The following ARL15 variants were observed in gnomAD, a reference collection of about 807,000 sequenced individuals.
ARL15 encodes ADP-ribosylation factor-like protein 15.
In ARL15, 19 loss-of-function variants were observed where a neutral mutation model predicts 25.2. That is an observed-to-expected ratio of 0.75 (90% CI 0.53 to 1.10). ARL15 has a LOEUF of 1.10. ARL15 is among the 50% of genes least tolerant of loss of function. ARL15 has a pLI of 0.00. For synonymous variants in ARL15, 94 were observed against 86.8 expected (o/e 1.08, Z -0.46); for missense variants, 220 against 246.0 (o/e 0.89, Z 0.71).
intron 4 of ARL15, chr5:53,912,268 G>A (rs1345776545): frequency 6.6e-6 from 1 of 152,070 alleles, no homozygotes; most frequent in Non-Finnish European, 1.5e-5. Context: ...CAAGCTATGG[G>A]GGCAAGACAC....
At chr5:54,069,955 G>A (rs74554941) in intron 4 of ARL15, among the ~76,000 whole-genome samples, 27,524 of 151,180 alleles carry the variant, frequency 0.18, 3,227 homozygotes, top group African/African-American at 0.33. Context: ...GATTACAGGC[G>A]TGAGCCACCA....
At chr5:54,135,792 A>T (rs1002426882) in intron 3 of ARL15, among the ~76,000 whole-genome samples, 1 of 152,252 alleles carries the variant, frequency 6.6e-6, no homozygotes, top group Non-Finnish European at 1.5e-5. Context: ...TGTCTGATTT[A>T]ACAAATATGG....
intron 1 of ARL15, among the ~76,000 whole-genome samples, chr5:54,259,208 G>C (rs1267444650): frequency 6.6e-6 from 1 of 152,046 alleles, no homozygotes; most frequent in Non-Finnish European, 1.5e-5. Flanking sequence ...ATTTGAATAG[G>C]CAGGACTCAC....
At chr5:53,919,387 AC>A (rs1199244304) in intron 4 of ARL15, among the ~76,000 whole-genome samples, 1 of 152,118 alleles carries the variant, frequency 6.6e-6, no homozygotes, top group Non-Finnish European at 1.5e-5. Context: ...AACACTAGCT[AC>A]CCCTTGTAAA....
chr5:54,216,464 A>T (rs1756209044), intron 1 of ARL15, among the ~76,000 whole-genome samples: 1 of 152,196 alleles, frequency 6.6e-6, no homozygotes, highest in African/African-American at 2.4e-5. Flanking sequence ...AATATCTTAT[A>T]AATTTGTTAT....
intron 4 of ARL15, among the ~76,000 whole-genome samples, chr5:54,070,896 C>CAA (rs1751398271): frequency 6.6e-6 from 1 of 151,894 alleles, no homozygotes; most frequent in African/African-American, 2.4e-5. Flanking sequence ...TGGCCAGGTG[C>CAA]AATGGCTCAT....
intron 3 of ARL15, among the ~76,000 whole-genome samples, chr5:54,119,198 G>A (rs1753000145): frequency 6.6e-6 from 1 of 152,120 alleles, no homozygotes; most frequent in South Asian, 2.1e-4. Flanking sequence ...CAAAAATTAA[G>A]AGGTAGAACC....
chr5:54,146,184 C>CTTTGT, intron 3 of ARL15, among the ~76,000 whole-genome samples: 1 of 151,140 alleles, frequency 6.6e-6, no homozygotes, highest in Non-Finnish European at 1.5e-5. Flanking sequence ...AGCTTTGAGA[C>CTTTGT]TTATCCAAAT....
At chr5:54,041,279 A>C (rs1285303710) in intron 4 of ARL15, among the ~76,000 whole-genome samples, 1 of 152,200 alleles carries the variant, frequency 6.6e-6, no homozygotes, top group Non-Finnish European at 1.5e-5. Context: ...AATCCTAGGA[A>C]ACACAATTTT....
chr5:54,203,276 C>T (rs1755772460), intron 1 of ARL15, among the ~76,000 whole-genome samples: 1 of 152,118 alleles, frequency 6.6e-6, no homozygotes, highest in South Asian at 2.1e-4. Context: ...TAATCAGATA[C>T]AAAGAGTTTT....
chr5:53,968,195 A>T (rs554098458), intron 4 of ARL15, among the ~76,000 whole-genome samples: 8 of 152,314 alleles, frequency 5.3e-5, no homozygotes, highest in Non-Finnish European at 7.4e-5. Context: ...ATGTAAACTG[A>T]TACTCTACAA....
At chr5:54,120,382 AT>A (rs1341455820) in intron 3 of ARL15, among the ~76,000 whole-genome samples, 1 of 152,244 alleles carries the variant, frequency 6.6e-6, no homozygotes, top group Non-Finnish European at 1.5e-5. Flanking sequence ...ACATGCAGCC[AT>A]AATACAGCAC....
intron 1 of ARL15, among the ~76,000 whole-genome samples, chr5:54,302,507 C>CA (rs1266815008): frequency 2.0e-5 from 3 of 152,052 alleles, no homozygotes; most frequent in African/African-American, 7.2e-5. Context: ...ATTTACCAGA[C>CA]ACTAGACTAG....
At chr5:54,243,042 C>T (rs1182840004) in intron 1 of ARL15, among the ~76,000 whole-genome samples, 1 of 152,156 alleles carries the variant, frequency 6.6e-6, no homozygotes, top group Non-Finnish European at 1.5e-5. Flanking sequence ...AACATTGCTA[C>T]AACAATTTTT....
intron 4 of ARL15, among the ~76,000 whole-genome samples, chr5:53,946,649 A>C (rs1746746042): frequency 6.6e-6 from 1 of 152,074 alleles, no homozygotes; most frequent in Non-Finnish European, 1.5e-5. Flanking sequence ...CCTAGGTAAA[A>C]AGGGATTGCA....
intron 4 of ARL15, among the ~76,000 whole-genome samples, chr5:53,923,011 G>A (rs755752267): frequency 2.6e-5 from 4 of 152,156 alleles, no homozygotes; most frequent in Non-Finnish European, 4.4e-5. Context: ...ACCTATACAC[G>A]CTTTCATTTA....
At chr5:54,292,266 G>A (rs1183939473) in intron 1 of ARL15, among the ~76,000 whole-genome samples, 3 of 151,980 alleles carry the variant, frequency 2.0e-5, no homozygotes, top group Non-Finnish European at 4.4e-5. Flanking sequence ...CTCCAAAGAT[G>A]TGCACACTGG....
chr5:54,073,975 C>T (rs1751502368), intron 4 of ARL15, among the ~76,000 whole-genome samples: 1 of 152,210 alleles, frequency 6.6e-6, no homozygotes, highest in South Asian at 2.1e-4. Flanking sequence ...CCCGTCATTC[C>T]AGGTGTTGCC....
At chr5:54,274,517 T>C (rs13183972) in intron 1 of ARL15, among the ~76,000 whole-genome samples, 61,375 of 152,100 alleles carry the variant, frequency 0.4, 16,165 homozygotes, top group Non-Finnish European at 0.57. Context: ...AAACCTAAAA[T>C]TGTAAATTCC....
Sources: allele counts gnomAD v4.1 joint callset (sites outside exome capture counted in the v4.1 genomes callset), GRCh38; gene constraint gnomAD v4.1.1; transcripts MANE v1.5; gene names NCBI Gene and HGNC (gene_info 2026-07-23, HGNC 2026-07-21).